Variants in DIAPH2 observed in about 807,000 individuals in gnomAD.
The protein encoded by DIAPH2 is diaphanous related formin 2.
In DIAPH2, 35 loss-of-function variants were observed where a neutral mutation model predicts 92.7. That is an observed-to-expected ratio of 0.38 (90% CI 0.29 to 0.50). The LOEUF is 0.50. Among genes scored for constraint, DIAPH2 ranks in the 20% least tolerant of loss-of-function variants. The pLI, the probability that DIAPH2 is intolerant of heterozygous loss-of-function variation, is 0.94. For missense variants in DIAPH2, 701 were observed against 819.5 expected (o/e 0.86, Z 1.77); for synonymous variants, 301 against 280.4 (o/e 1.07, Z -0.73).
Position 97,031,609 on chromosome X carries a change from C to A in DIAPH2, c.2051-41332C>A, listed in dbSNP as rs191457973. 4.5e-3 allele frequency among the ~76,000 whole-genome samples: 498 copies of A among 111,391 alleles called. 2 individuals carry two copies. Among genetic ancestry groups the A allele is most frequent in the African/African-American group, 0.016 (480 of 30,684 alleles). On this transcript the variant is annotated intron_variant, in intron 17 of 26. Coordinates refer to ENST00000324765, the MANE Select transcript of DIAPH2 (RefSeq NM_006729.5). ...TTTGTCAATTCACATTTATTAAATG[C>A]ATACTTATTTTCTAGGCACTGTGCT...
chrX:97,159,993 A>G (rs2067355362), intron 22 of DIAPH2, among the ~76,000 whole-genome samples: 1 of 109,393 alleles, frequency 9.1e-6, no homozygotes, highest in African/African-American at 3.3e-5. Context: ...GAGGAGTTTA[A>G]TCACAAGGCG....
At chrX:97,159,136 A>G (rs2067346320) in intron 22 of DIAPH2, among the ~76,000 whole-genome samples, 1 of 111,752 alleles carries the variant, frequency 8.9e-6, no homozygotes, top group African/African-American at 3.3e-5. Flanking sequence ...TCATGCTGCT[A>G]TAGTTAAGGT....
At chrX:96,900,179 G>A (rs1193642559) in intron 5 of DIAPH2, among the ~76,000 whole-genome samples, 1 of 111,721 alleles carries the variant, frequency 9.0e-6, no homozygotes, top group Non-Finnish European at 1.9e-5. Flanking sequence ...TCCTTATAGA[G>A]ATATTTTGCC....
At chrX:97,407,759 G>C (rs1029122886) in intron 25 of DIAPH2, among the ~76,000 whole-genome samples, 1 of 112,209 alleles carries the variant, frequency 8.9e-6, no homozygotes, top group African/African-American at 3.2e-5. Flanking sequence ...TTTGCAGACA[G>C]TAGTGACACA....
chrX:97,129,550 G>T (rs1051906076), intron 21 of DIAPH2, among the ~76,000 whole-genome samples: 3 of 111,398 alleles, frequency 2.7e-5, no homozygotes, highest in Non-Finnish European at 3.8e-5. Context: ...TATATGAAAA[G>T]ATATCTCATA....
Position 97,433,556 on chromosome X carries a change from GC to G in DIAPH2, c.3241+3815del, listed in dbSNP as rs1174414159. Among the ~76,000 whole-genome samples, 3 of 111,059 alleles carry G rather than the reference GC, an allele frequency of 2.7e-5. No homozygotes were observed. The East Asian group carries it at 8.6e-4, about 32-fold the overall frequency. ...GAAAATATTAACTGGTGTATCACAG[GC>G]CCCAGATAGTCGAAATGTACACAGG... is the stretch of plus-strand genomic sequence containing the variant. On this transcript the variant is annotated intron_variant, in intron 26 of 26. Transcript: ENST00000324765.
chrX:97,313,719 A>C (rs146456151), intron 23 of DIAPH2, among the ~76,000 whole-genome samples: 4,279 of 109,388 alleles, frequency 0.039, 85 homozygotes, highest in Middle Eastern at 0.17. Context: ...GCTCACTGCA[A>C]CATCCACCTC....
chrX:97,548,459 G>T (rs986379510), intron 26 of DIAPH2, among the ~76,000 whole-genome samples: 1 of 111,773 alleles, frequency 8.9e-6, no homozygotes, highest in Admixed American at 9.5e-5. Context: ...AGAAAGAATG[G>T]CATGTCAGGA....
At chrX:96,870,444 T>TC (rs2065133563) in intron 4 of DIAPH2, among the ~76,000 whole-genome samples, 2 of 105,096 alleles carry the variant, frequency 1.9e-5, no homozygotes, top group Non-Finnish European at 3.9e-5. Context: ...TGTATTTTTT[T>TC]TTTTTTTTTT....
chrX:96,749,580 G>T (rs1287228774), intron 3 of DIAPH2, among the ~76,000 whole-genome samples: 1 of 111,777 alleles, frequency 8.9e-6, no homozygotes, highest in Non-Finnish European at 1.9e-5. Context: ...CATGAATCAA[G>T]CAAAGATTTC....
chrX:97,520,085 G>A (rs934696930), intron 26 of DIAPH2, among the ~76,000 whole-genome samples: 1 of 111,933 alleles, frequency 8.9e-6, no homozygotes, highest in Non-Finnish European at 1.9e-5. Context: ...CATTCTAAAA[G>A]TGAATAAAAA....
intron 26 of DIAPH2, among the ~76,000 whole-genome samples, chrX:97,553,944 TAGAC>T (rs1339034284): frequency 8.9e-6 from 1 of 111,927 alleles, no homozygotes; most frequent in African/African-American, 3.2e-5. Context: ...TATACATAGA[TAGAC>T]ATACACTAGT....
At chrX:97,024,313 A>G (rs2066317167) in intron 17 of DIAPH2, among the ~76,000 whole-genome samples, 1 of 112,456 alleles carries the variant, frequency 8.9e-6, no homozygotes, top group Non-Finnish European at 1.9e-5. Context: ...AAATGGAGAA[A>G]TTCTGTGAGA....
At chrX:96,945,467 C>A in intron 13 of DIAPH2, 60 bp from the exon 14 acceptor site, 1 of 847,894 alleles carries the variant, frequency 1.2e-6, no homozygotes, top group Non-Finnish European at 1.7e-6. Context: ...GGCTAGAAGA[C>A]GTCTTTTGTC....
chrX:97,195,747 C>T (rs751748082), intron 22 of DIAPH2, among the ~76,000 whole-genome samples: 4 of 101,362 alleles, frequency 3.9e-5, no homozygotes, highest in Non-Finnish European at 6.0e-5. Context: ...TACCATGTTA[C>T]AAATTTTTAA....
intron 25 of DIAPH2, among the ~76,000 whole-genome samples, chrX:97,426,235 T>A (rs1389494277): frequency 9.0e-6 from 1 of 110,761 alleles, no homozygotes; most frequent in Non-Finnish European, 1.9e-5. Flanking sequence ...CTCTGTTTAG[T>A]TCAGGATATG....
At chrX:97,319,735 C>G (rs2068875065) in intron 23 of DIAPH2, among the ~76,000 whole-genome samples, 1 of 110,468 alleles carries the variant, frequency 9.1e-6, no homozygotes, top group Non-Finnish European at 1.9e-5. Flanking sequence ...TAGTATAACA[C>G]CTAGTACTGA....
At position 97,330,670 on chromosome X, in the gene DIAPH2, G is replaced by A. The variant is rs189007329; in HGVS notation, c.2845-17446G>A. Among the ~76,000 whole-genome samples, 761 of 109,165 alleles carry A rather than the reference G, an allele frequency of 7.0e-3. 9 individuals are homozygous for A. Among genetic ancestry groups the A allele is most frequent in the African/African-American group, 0.024 (732 of 30,018 alleles). The allele number at this position is 109,165 out of a possible 115,157, so 94.8% of individuals were successfully genotyped here. A position where few individuals can be genotyped will look rare whatever the true frequency, so the allele number is the denominator to read the frequency against. ...TGGGATTACAGGCGCCCGCCACCAC[G>A]CCCAGCTAACTTTCGTATTTTTAGT... On this transcript the variant is annotated intron_variant, in intron 23 of 26. Transcript: ENST00000324765.
At chrX:97,329,802 A>C (rs905390450) in intron 23 of DIAPH2, among the ~76,000 whole-genome samples, 1 of 108,865 alleles carries the variant, frequency 9.2e-6, no homozygotes, top group African/African-American at 3.4e-5. Flanking sequence ...CCTTTGCTCG[A>C]CATTGTCACA....
Sources: allele counts gnomAD v4.1 joint callset (sites outside exome capture counted in the v4.1 genomes callset), GRCh38; gene constraint gnomAD v4.1.1; transcripts MANE v1.5; gene names NCBI Gene and HGNC (gene_info 2026-07-23, HGNC 2026-07-21).